The following ST6GAL1 variants were observed in gnomAD, a reference collection of about 807,000 sequenced individuals.
ST6GAL1 encodes the protein beta-galactoside alpha-2,6-sialyltransferase 1.
A neutral mutation model predicts 38.0 loss-of-function variants in ST6GAL1; 20 were observed. The observed-to-expected ratio is 0.53, with a 90% CI of 0.37 to 0.77. ST6GAL1 has a LOEUF of 0.77. Ranked by LOEUF, ST6GAL1 falls within the 30% of genes least tolerant of loss-of-function variation. The pLI is 0.00. For missense variants in ST6GAL1, 432 were observed against 496.4 expected (o/e 0.87, Z 1.23); for synonymous variants, 196 against 188.2 (o/e 1.04, Z -0.34).
At chr3:187,018,221 A>T (rs1435925030) in intron 2 of ST6GAL1, among the ~76,000 whole-genome samples, 1 of 152,100 alleles carries the variant, frequency 6.6e-6, no homozygotes, top group Non-Finnish European at 1.5e-5. Flanking sequence ...ATGAAACCAG[A>T]TTCTTCTGGA....
chr3:187,072,883 G>A lies in ST6GAL1; in HGVS notation c.740G>A (p.Ser247Asn). 6.2e-7 allele frequency: 1 copy of A among 1,614,014 alleles called. No individual in the cohort carries two copies. The highest frequency in any genetic ancestry group is 8.5e-7 in the Non-Finnish European group (1 of 1,179,922). The change falls in exon 6 of 8, where the codon AGT becomes AAT. Residue 247 changes from serine to asparagine, a missense_variant. By Grantham distance (46) the Ser-to-Asn change is conservative. Transcript: ENST00000169298. ...ACAGAGAAGCGCTTCCTCAAAGACA[G>A]TTTGTACAATGAAGGAATCCTAATT... ...VTTEKRFLKD[S>N]LYNEGILIVW... is the part of the protein sequence containing the mutation.
chr3:186,982,107 C>T (rs1309626694), intron 2 of ST6GAL1, among the ~76,000 whole-genome samples: 1 of 152,222 alleles, frequency 6.6e-6, no homozygotes, highest in African/African-American at 2.4e-5. Flanking sequence ...AGTTGGACTT[C>T]AAACCTAGGT....
rs369030237 is a variant in ST6GAL1 at position 186,959,340 on chromosome 3, GC to G, written c.-324-4444del. Among the ~76,000 whole-genome samples, 189 of 152,214 alleles carry G rather than the reference GC, an allele frequency of 1.2e-3. 3 individuals are homozygous for G. Among genetic ancestry groups the G allele is most frequent in the African/African-American group, 4.3e-3 (178 of 41,538 alleles). On this transcript the variant is annotated intron_variant, in intron 1 of 7. Coordinates refer to ENST00000169298, the MANE Select transcript of ST6GAL1 (RefSeq NM_173216.2). ...AGCCCCTGGGAGGCAGCTCTGGGAG[GC>G]AGCTTTGTGTGTGGAACTCTGGCTT...
At chr3:186,997,455 C>T (rs1014990396) in intron 2 of ST6GAL1, among the ~76,000 whole-genome samples, 1 of 152,058 alleles carries the variant, frequency 6.6e-6, no homozygotes, top group Admixed American at 6.6e-5. Flanking sequence ...AGGAACTCAC[C>T]CAGCCTAAAG....
intron 2 of ST6GAL1, among the ~76,000 whole-genome samples, chr3:186,981,034 A>G (rs1309497105): frequency 1.3e-5 from 2 of 152,186 alleles, no homozygotes; most frequent in African/African-American, 4.8e-5. Context: ...GGGTGTGTTA[A>G]TATTCTAGAA....
At chr3:187,074,464 G>C in intron 7 of ST6GAL1, 131 bp downstream of exon 7, 1 of 993,112 alleles carries the variant, frequency 1.0e-6, no homozygotes, top group African/African-American at 1.7e-5. Context: ...TGCTCTGCTT[G>C]TAGACCATGC....
At chr3:186,969,122 G>A (rs1044326101) in intron 2 of ST6GAL1, among the ~76,000 whole-genome samples, 2 of 143,812 alleles carry the variant, frequency 1.4e-5, no homozygotes, top group African/African-American at 5.2e-5. Context: ...CGCAATCTCA[G>A]CTCACTGCAA....
intron 2 of ST6GAL1, among the ~76,000 whole-genome samples, chr3:186,967,272 A>G (rs1052954157): frequency 1.3e-5 from 2 of 151,740 alleles, no homozygotes; most frequent in African/African-American, 4.8e-5. Flanking sequence ...GCTCACTGCA[A>G]CCTCCGCCTC....
chr3:187,048,815 C>T (rs1180515882), intron 4 of ST6GAL1, among the ~76,000 whole-genome samples: 1 of 151,590 alleles, frequency 6.6e-6, no homozygotes, highest in African/African-American at 2.4e-5. Context: ...GCTGGATGTT[C>T]TCCAGTGGCA....
chr3:186,970,375 C>A (rs558547227), intron 2 of ST6GAL1, among the ~76,000 whole-genome samples: 1 of 150,128 alleles, frequency 6.7e-6, no homozygotes, highest in Non-Finnish European at 1.5e-5. Flanking sequence ...CCACCACGCC[C>A]GGCAAATTTT....
At chr3:187,073,998 G>A (rs1719476116) in intron 6 of ST6GAL1, 161 bp from the exon 7 acceptor site, 1 of 589,204 alleles carries the variant, frequency 1.7e-6, no homozygotes, top group Non-Finnish European at 2.7e-6. Flanking sequence ...ACCTGCGGCT[G>A]GAAGAGAAAC....
At chr3:187,065,089 C>T (rs757873171) in intron 5 of ST6GAL1, among the ~76,000 whole-genome samples, 3 of 151,870 alleles carry the variant, frequency 2.0e-5, no homozygotes, top group African/African-American at 2.4e-5. Context: ...TGCTCTGCCT[C>T]CTGGGTTCAA....
At chr3:187,015,710 G>A (rs147016655) in intron 2 of ST6GAL1, among the ~76,000 whole-genome samples, 321 of 152,110 alleles carry the variant, frequency 2.1e-3, no homozygotes, top group African/African-American at 7.4e-3. Flanking sequence ...GTCGTGGTGT[G>A]TGCCTGGAGT....
At chr3:187,021,991 A>C (rs1336608199) in intron 2 of ST6GAL1, 2 of 152,188 alleles carry the variant, frequency 1.3e-5, no homozygotes, top group African/African-American at 2.4e-5. Flanking sequence ...ATCCTTGATG[A>C]TAAACCAGTA....
In ST6GAL1 at chr3:187,036,188, A is replaced by T. The variant is rs1717925323; in HGVS notation, c.-182-2554A>T. ...ACTAATTATTAGAGAAAAGCAAACA[A>T]AAGCACAGTGAGATACCCCCTCACG... On this transcript the variant is annotated intron_variant, in intron 2 of 7. Transcript: ENST00000169298. Among the ~76,000 whole-genome samples, 8 of 152,350 alleles carry T rather than the reference A, an allele frequency of 5.3e-5. No homozygotes were observed. The South Asian group carries it at 1.7e-3, about 32-fold the overall frequency.
At chr3:186,967,326 A>G (rs372751759) in intron 2 of ST6GAL1, among the ~76,000 whole-genome samples, 57 of 152,236 alleles carry the variant, frequency 3.7e-4, no homozygotes, top group East Asian at 7.7e-4. Flanking sequence ...CAAGTAGCTG[A>G]GATTACAGGC....
At chr3:186,990,493 AT>A (rs1259540575) in intron 2 of ST6GAL1, among the ~76,000 whole-genome samples, 2 of 152,128 alleles carry the variant, frequency 1.3e-5, no homozygotes, top group Non-Finnish European at 2.9e-5. Flanking sequence ...GGCATAGACT[AT>A]TGATAGACTT....
chr3:187,074,062 C>T lies in ST6GAL1; in HGVS notation c.805-97C>T, dbSNP rs1485798349. 4 of 1,161,844 alleles carry T rather than the reference C, an allele frequency of 3.4e-6. No homozygotes were observed. The Admixed American group carries it at 1.1e-4, about 31-fold the overall frequency. 72.0% of individuals were successfully genotyped at this position (1,161,844 alleles called of 1,614,324 possible). A position where few individuals can be genotyped will look rare whatever the true frequency, so the allele number is the denominator to read the frequency against. The stretch of plus-strand genomic sequence containing the variant: ...GCCTCAGGAGCAACACTTGTTGATC[C>T]TTTCCCCTCCCCATGTCCACTGATG... On this transcript the variant is annotated intron_variant, in intron 6 of 7. Transcript: ENST00000169298.
At chr3:187,011,367 G>A (rs1217048477) in intron 2 of ST6GAL1, among the ~76,000 whole-genome samples, 1 of 152,236 alleles carries the variant, frequency 6.6e-6, no homozygotes. Context: ...ACAGATCCCA[G>A]ATTCAAATCC....
Sources: allele counts gnomAD v4.1 joint callset (sites outside exome capture counted in the v4.1 genomes callset), GRCh38; gene constraint gnomAD v4.1.1; transcripts MANE v1.5; gene names NCBI Gene and HGNC (gene_info 2026-07-23, HGNC 2026-07-21).